The following RIPOR2 variants were observed in gnomAD, a reference collection of about 807,000 sequenced individuals.
RIPOR2 encodes rho family-interacting cell polarization regulator 2.
In RIPOR2, 39 loss-of-function variants were observed where a neutral mutation model predicts 114.5. That is an observed-to-expected ratio of 0.34 (90% CI 0.26 to 0.44). The LOEUF (loss-of-function observed/expected upper bound fraction) is 0.44, where lower values mean the gene tolerates loss of function less well. Ranked by LOEUF, RIPOR2 falls within the 20% of genes least tolerant of loss-of-function variation. The probability of loss-of-function intolerance (pLI) is 1.00; values close to 1 mark genes in which losing one functional copy is unlikely to be tolerated. For synonymous variants in RIPOR2, 445 were observed against 484.4 expected, an observed-to-expected ratio of 0.92 and a Z score of 1.07; for missense variants, 1,007 against 1,255.1, an observed-to-expected ratio of 0.80 and a Z score of 2.99.
chr6:24,933,781 G>A (rs1050183150), intron 1 of RIPOR2, among the ~76,000 whole-genome samples: 1 of 152,106 alleles, frequency 6.6e-6, no homozygotes, highest in South Asian at 2.1e-4. Flanking sequence ...TCTGAATCTC[G>A]TTTGACTCCC....
At position 24,883,615 on chromosome 6, in the gene RIPOR2, C is replaced by T. The variant is rs1370231437; in HGVS notation, c.62-7798G>A. On this transcript the variant is annotated intron_variant, in intron 1 of 21. Coordinates refer to ENST00000643898, the MANE Select transcript of RIPOR2 (RefSeq NM_001286445.3). The surrounding 1 kb of genome is among the most constrained non-coding windows in gnomAD (Gnocchi z 4.1). ...TAAATTTTATGGTATGTGAATTGTA[C>T]ATCAATAAAGCTGTTTAAAAAAAAT... 6.6e-6 allele frequency among the ~76,000 whole-genome samples: 1 copy of T among 152,054 alleles called. No homozygotes were observed. Among genetic ancestry groups the T allele is most frequent in the Non-Finnish European group, 1.5e-5 (1 of 68,010 alleles).
intron 13 of RIPOR2, chr6:24,839,843 A>C: frequency 7.9e-7 from 1 of 1,273,832 alleles, no homozygotes; most frequent in Non-Finnish European, 9.9e-7. Flanking sequence ...TATCTAAGGC[A>C]TCTGCTCTAA....
rs1763660320 is a variant in RIPOR2, at chr6:24,858,068, C to T, written c.715+2905G>A. On this transcript the variant is annotated intron_variant, in intron 8 of 21. Coordinates refer to ENST00000643898, the MANE Select transcript of RIPOR2 (RefSeq NM_001286445.3). This position sits in a 1 kb window ranked among gnomAD's most constrained non-coding sequence, Gnocchi z 4.0. ...CCTTCCTCTTTCCTGCTCCTCTCCC[C>T]AACTAGAGAGGTGAGTGGCAACCTT... 6.6e-6 allele frequency among the ~76,000 whole-genome samples: 1 copy of T among 152,180 alleles called. No individual in the cohort carries two copies. Among genetic ancestry groups the T allele is most frequent in the Non-Finnish European group, 1.5e-5 (1 of 68,032 alleles).
chr6:24,895,846 C>A (rs1767813854), intron 1 of RIPOR2, among the ~76,000 whole-genome samples: 1 of 152,066 alleles, frequency 6.6e-6, no homozygotes, highest in Non-Finnish European at 1.5e-5. Context: ...AAAACATTAG[C>A]TGGGCGTGGT....
chr6:24,872,662 C>A (rs1188471548), intron 4 of RIPOR2, among the ~76,000 whole-genome samples: 1 of 152,112 alleles, frequency 6.6e-6, no homozygotes, highest in Non-Finnish European at 1.5e-5. Context: ...AAAATGATCT[C>A]ATAAACATGC....
At position 25,037,791 on chromosome 6, in the gene RIPOR2, G is replaced by A. The variant is rs796598821; in HGVS notation, c.76+4060C>T. ...GCTTTACTATGAGTTTAATTTTGAT[G>A]GAACCCAAACGGTTATTGAGTAGAT... is the stretch of plus-strand genomic sequence containing the variant. On this transcript the variant is annotated intron_variant, in intron 1 of 13. Coordinates refer to the RIPOR2 transcript ENST00000510784. This position sits in a 1 kb window ranked among gnomAD's most constrained non-coding sequence, Gnocchi z 4.5. 9.2e-5 allele frequency among the ~76,000 whole-genome samples: 14 copies of A among 151,900 alleles called. No homozygotes were observed. The highest frequency in any genetic ancestry group is 3.4e-4 in the African/African-American group (14 of 41,512).
intron 1 of RIPOR2, among the ~76,000 whole-genome samples, chr6:24,932,680 T>A (rs989953210): frequency 6.6e-6 from 1 of 152,206 alleles, no homozygotes; most frequent in East Asian, 1.9e-4. Context: ...GATTTATATA[T>A]ACTTTTAAGC....
intron 1 of RIPOR2, among the ~76,000 whole-genome samples, chr6:25,022,530 CCA>C (rs1561848665): frequency 1.3e-5 from 1 of 74,906 alleles, no homozygotes. Context: ...GTGGTACCTT[CCA>C]TTTTTTTTTT....
At chr6:24,829,380 C>T (rs527809872) in intron 17 of RIPOR2, among the ~76,000 whole-genome samples, 7 of 152,112 alleles carry the variant, frequency 4.6e-5, no homozygotes, top group Admixed American at 2.6e-4. Flanking sequence ...ACTGTAATTC[C>T]GGCACTTTGG....
At chr6:24,873,599 C>A (rs1765421720) in intron 3 of RIPOR2, 45 bp downstream of exon 3, 1 of 1,567,308 alleles carries the variant, frequency 6.4e-7, no homozygotes, top group South Asian at 1.2e-5. Flanking sequence ...TTCTCTGACC[C>A]CTTGGGTCTT....
chr6:24,992,606 A>C (rs1306079607), intron 1 of RIPOR2, among the ~76,000 whole-genome samples: 1 of 152,248 alleles, frequency 6.6e-6, no homozygotes. Context: ...GCTTATGAAT[A>C]GGAAGAATCG....
intron 1 of RIPOR2, chr6:24,911,126 G>C (rs1769537380): frequency 4.1e-6 from 1 of 245,216 alleles, no homozygotes; most frequent in South Asian, 1.4e-4. Context: ...GGCGGGAGCC[G>C]TGAGGAGGGG....
intron 1 of RIPOR2, among the ~76,000 whole-genome samples, chr6:24,990,722 T>C (rs1488467244): frequency 6.6e-6 from 1 of 151,894 alleles, no homozygotes; most frequent in Non-Finnish European, 1.5e-5. Context: ...AAAAAAGAAA[T>C]GGGATATGTC....
At position 24,975,374 on chromosome 6, in the gene RIPOR2, A is replaced by T. The variant is rs917392753; in HGVS notation, c.76+66477T>A. Among the ~76,000 whole-genome samples the T allele has an allele frequency of 2.6e-5, 4 of 152,242 alleles. No individual in the cohort carries two copies. The East Asian group carries it at 7.7e-4, about 29-fold the overall frequency. ...GAAAAAGATGTACAGCACGGTAAAA[A>T]ACTAGGCAAACGACACAATATGCAA... On this transcript the variant is annotated intron_variant, in intron 1 of 13. Coordinates refer to the RIPOR2 transcript ENST00000510784.
intron 19 of RIPOR2, among the ~76,000 whole-genome samples, chr6:24,820,111 C>A (rs1759546026): frequency 6.6e-6 from 1 of 152,092 alleles, no homozygotes; most frequent in South Asian, 2.1e-4. Flanking sequence ...TGGCTCACTG[C>A]AACCTCCGCC....
At chr6:24,991,345 T>C (rs1277055627) in intron 1 of RIPOR2, among the ~76,000 whole-genome samples, 2 of 152,220 alleles carry the variant, frequency 1.3e-5, no homozygotes, top group Admixed American at 1.3e-4. Context: ...TTTAAATTGT[T>C]TTAATAACCT....
At chr6:24,808,247 C>G (rs1049848989) in intron 21 of RIPOR2, among the ~76,000 whole-genome samples, 1 of 152,064 alleles carries the variant, frequency 6.6e-6, no homozygotes. Flanking sequence ...CAGTGAGGCC[C>G]GGGGCACATT....
chr6:24,845,220 T>G (rs11962982), intron 12 of RIPOR2, among the ~76,000 whole-genome samples: 3,278 of 152,266 alleles, frequency 0.022, 124 homozygotes, highest in African/African-American at 0.072. Context: ...ATGTTGTTGG[T>G]GTGGTGGGCT....
chr6:25,005,088 C>T (rs556561733), intron 1 of RIPOR2, among the ~76,000 whole-genome samples: 4 of 152,158 alleles, frequency 2.6e-5, no homozygotes, highest in African/African-American at 9.6e-5. Context: ...TTAGTGAATT[C>T]TTTCACCCTT....
Sources: allele counts gnomAD v4.1 joint callset (sites outside exome capture counted in the v4.1 genomes callset), GRCh38; gene constraint gnomAD v4.1.1; non-coding constraint Gnocchi (gnomAD v3.1); transcripts MANE v1.5; gene names NCBI Gene and HGNC (gene_info 2026-07-23, HGNC 2026-07-21).